ZCWPW1: variants seen among roughly 807,000 people sequenced by gnomAD.
The protein encoded by ZCWPW1 is zinc finger CW-type PWWP domain protein 1.
Under a neutral mutation model 81.3 loss-of-function variants are expected in ZCWPW1, and 56 were observed. The ratio of observed to expected loss-of-function variants is 0.69; its 90% CI spans 0.56 to 0.86. The LOEUF (loss-of-function observed/expected upper bound fraction) is 0.86. Among genes scored for constraint, ZCWPW1 ranks in the 40% least tolerant of loss-of-function variants. ZCWPW1 has a pLI of 0.00. For synonymous variants in ZCWPW1, 250 were observed against 273.7 expected, an observed-to-expected ratio of 0.91 and a Z score of 0.86; for missense variants, 650 against 769.8, an observed-to-expected ratio of 0.84 and a Z score of 1.84.
chr7:100,423,990 C>G (rs368132407), intron 2 of ZCWPW1, among the ~76,000 whole-genome samples: 3 of 150,574 alleles, frequency 2.0e-5, no homozygotes, highest in African/African-American at 7.3e-5. Context: ...GAATCGCTTG[C>G]ACCCAGGAGG....
chr7:100,404,382 A>T, intron 13 of ZCWPW1, 138 bp from the exon 14 acceptor site: 1 of 825,890 alleles, frequency 1.2e-6, no homozygotes, highest in Non-Finnish European at 1.9e-6. Flanking sequence ...TATTTTTGAG[A>T]CAGGGTCTTG....
chr7:100,424,683 A>G (rs1043408316), intron 2 of ZCWPW1, among the ~76,000 whole-genome samples: 2 of 151,978 alleles, frequency 1.3e-5, no homozygotes, highest in Non-Finnish European at 2.9e-5. Flanking sequence ...GATAGTCTCA[A>G]TCTCCTGACC....
chr7:100,419,472 C>A (rs1341128956), intron 4 of ZCWPW1, among the ~76,000 whole-genome samples, 158 bp downstream of exon 4: 2 of 151,966 alleles, frequency 1.3e-5, no homozygotes, highest in African/African-American at 4.8e-5. Flanking sequence ...ACATTTTTGA[C>A]CTCTTTGAGA....
Position 100,409,481 on chromosome 7 carries a change from C to G in ZCWPW1, c.818G>C (p.Gly273Ala). The G allele has an allele frequency of 6.2e-7, 1 of 1,614,158 alleles. No individual in the cohort carries two copies. The highest frequency in any genetic ancestry group is 8.5e-7 in the Non-Finnish European group (1 of 1,180,012). Residue 273 changes from glycine to alanine, a missense_variant, in exon 9 of 18, where the codon GGG (glycine) becomes GCG (alanine). Physicochemically the swap from Gly to Ala is moderately conservative, Grantham distance 60. Coordinates refer to ENST00000684423, the MANE Select transcript of ZCWPW1 (RefSeq NM_001386010.1). ...TGGGAGAACTGAGGGGTCAATGTTC[C>G]CACACAGCCGCCTCCATTTCCCACA... ...PNCGKWRRLC[G>A]NIDPSVLPDN...
At chr7:100,420,538 G>T in intron 3 of ZCWPW1, 84 bp downstream of exon 3, 1 of 1,543,098 alleles carries the variant, frequency 6.5e-7, no homozygotes, top group Non-Finnish European at 9.0e-7. Context: ...ATAGGGACCC[G>T]TACCATCCTT....
At chr7:100,407,158 A>G in intron 11 of ZCWPW1, 70 bp downstream of exon 11, 1 of 1,412,862 alleles carries the variant, frequency 7.1e-7, no homozygotes, top group Non-Finnish European at 1.0e-6. Context: ...TCTTATCTGT[A>G]CGTCTGTGAG....
intron 12 of ZCWPW1, among the ~76,000 whole-genome samples, chr7:100,405,674 C>G (rs1792860535): frequency 6.6e-6 from 1 of 152,280 alleles, no homozygotes; most frequent in East Asian, 1.9e-4. Flanking sequence ...CTCTGTCACC[C>G]AGGCTGGAGT....
At chr7:100,402,062 T>G in intron 16 of ZCWPW1, 21 bp from the exon 17 acceptor site, 1 of 1,590,008 alleles carries the variant, frequency 6.3e-7, no homozygotes, top group Non-Finnish European at 8.6e-7. Context: ...GGGAAATGCG[T>G]TTATTTCTCT....
At chr7:100,404,089 G>T in intron 14 of ZCWPW1, 89 bp downstream of exon 14, 8 of 1,352,576 alleles carry the variant, frequency 5.9e-6, no homozygotes, top group Non-Finnish European at 8.3e-6. Flanking sequence ...TGATGATAGA[G>T]AATATAAAAT....
At chr7:100,414,900 C>T (rs1794899587) in intron 8 of ZCWPW1, among the ~76,000 whole-genome samples, 1 of 151,642 alleles carries the variant, frequency 6.6e-6, no homozygotes, top group African/African-American at 2.4e-5. Flanking sequence ...TGGCGCATGC[C>T]TGTAGTCCGA....
chr7:100,411,256 A>C (rs952503867), intron 8 of ZCWPW1, among the ~76,000 whole-genome samples: 5 of 149,742 alleles, frequency 3.3e-5, no homozygotes, highest in African/African-American at 1.2e-4. Context: ...TATAAGGATC[A>C]CTTTCGCAAT....
intron 13 of ZCWPW1, 94 bp from the exon 14 acceptor site, chr7:100,404,338 G>T: frequency 1.7e-6 from 2 of 1,164,740 alleles, no homozygotes; most frequent in South Asian, 2.7e-5. Context: ...ATGAAATTCT[G>T]ATTCATTTTC....
chr7:100,420,032 C>T, intron 3 of ZCWPW1, 149 bp from the exon 4 acceptor site: 1 of 638,678 alleles, frequency 1.6e-6, no homozygotes. Flanking sequence ...TTACTCCACT[C>T]CTCAGCCCTG....
intron 6 of ZCWPW1, 59 bp from the exon 7 acceptor site, chr7:100,416,515 T>A: frequency 6.3e-7 from 1 of 1,580,272 alleles, no homozygotes. Flanking sequence ...AGAACTCTTC[T>A]TCTGAAAAAA....
chr7:100,401,026 CAG>C lies in ZCWPW1; in HGVS notation c.1936_1937del (p.Leu646ValfsTer34), dbSNP rs777732910. On this transcript the variant is annotated frameshift_variant, in exon 18 of 18. Coordinates refer to ENST00000684423, the MANE Select transcript of ZCWPW1 (RefSeq NM_001386010.1). LOFTEE classifies it high-confidence loss of function. ...NSDGEDFPVA[L>X]FGK ...AGAGGAGCACCAGCTACTTCCCAAA[CAG>C]CGCCACGGGGAAGTCCTCGCCATCA... 5 of 1,606,758 alleles carry C rather than the reference CAG, an allele frequency of 3.1e-6. No homozygotes were observed. The highest frequency in any genetic ancestry group is 2.2e-5 in the East Asian group (1 of 44,716).
chr7:100,409,035 G>GATC (rs1452012200), intron 9 of ZCWPW1, among the ~76,000 whole-genome samples: 1 of 152,108 alleles, frequency 6.6e-6, no homozygotes. Flanking sequence ...GGCTGGACAA[G>GATC]ATCATCATCA....
chr7:100,401,148 C>T lies in ZCWPW1; in HGVS notation c.1816G>A (p.Glu606Lys). The change falls in exon 18 of 18, where the codon GAG (glutamate) becomes AAG (lysine). Residue 606 changes from glutamate (E) to lysine (K), a missense_variant. Glu to Lys is a moderately conservative substitution (Grantham distance 56, BLOSUM62 1). Transcript: ENST00000684423. ...TCCAGGTCACTGGAGGCTTCGTCCT[C>T]AAGGGGGACACTTCCAGCCTCCTGG... ...LTQEAGSVPL[E>K]DEASSDLDLE... 4 of 1,614,254 alleles carry T rather than the reference C, an allele frequency of 2.5e-6. No individual in the cohort carries two copies. Among genetic ancestry groups the T allele is most frequent in the Non-Finnish European group, 3.4e-6 (4 of 1,180,038 alleles).
In ZCWPW1 at chr7:100,416,226, G is replaced by T. The variant is rs1584270505; in HGVS notation, c.631+79C>A. On this transcript the variant is annotated intron_variant, in intron 7 of 17. Transcript: ENST00000684423. The stretch of plus-strand genomic sequence containing the variant: ...TCAAGTCTTGGGCTGAAAATTCTCA[G>T]CCTGCCCATGGTCCCATTCCCTAAT... The T allele has an allele frequency of 5.7e-6, 9 of 1,590,442 alleles. No individual in the cohort carries two copies. The East Asian group carries it at 2.0e-4, about 36-fold the overall frequency.
intron 8 of ZCWPW1, among the ~76,000 whole-genome samples, chr7:100,410,398 C>T (rs1385070216): frequency 6.6e-6 from 1 of 152,156 alleles, no homozygotes; most frequent in Non-Finnish European, 1.5e-5. Flanking sequence ...CTCTCACACT[C>T]CCCATGTCTC....
Sources: gnomAD v4.1 joint callset for allele counts (sites outside exome capture counted in the v4.1 genomes callset) on GRCh38, gnomAD v4.1.1 for gene constraint, MANE v1.5 for transcripts, NCBI Gene and HGNC (gene_info 2026-07-23, HGNC 2026-07-21) for gene names.